The following FAM217B variants were observed in gnomAD, a reference collection of about 807,000 sequenced individuals.
FAM217B encodes family with sequence similarity 217 member B.
For missense variants in FAM217B, 463 were observed against 456.9 expected (o/e 1.01, Z -0.12); for synonymous variants, 163 against 173.0 (o/e 0.94, Z 0.45).
chr20:59,943,134 AGAG>A (rs2060914553), intron 3 of FAM217B, among the ~76,000 whole-genome samples: 1 of 152,234 alleles, frequency 6.6e-6, no homozygotes, highest in African/African-American at 2.4e-5. Context: ...TAAATTGAAA[AGAG>A]GATATTTTCA....
chr20:59,938,893 G>A, upstream of FAM217B: 1 of 792,554 alleles, frequency 1.3e-6, no homozygotes, highest in South Asian at 3.1e-5. Flanking sequence ...CCACTGCCAG[G>A]GGACCTTGCA....
At chr20:59,935,595 C>G, upstream of FAM217B, among the ~76,000 whole-genome samples, 1 of 152,266 alleles carries the variant, frequency 6.6e-6, no homozygotes, top group East Asian at 1.9e-4. Flanking sequence ...TAGCTAGGCC[C>G]TATCTCTACA....
chr20:59,939,398 G>T (rs980601297), upstream of FAM217B: 2 of 1,610,432 alleles, frequency 1.2e-6, no homozygotes, highest in African/African-American at 1.3e-5. Flanking sequence ...CACGCTCCAG[G>T]CACACGAGCT....
upstream of FAM217B, chr20:59,939,020 T>G (rs1158478763): frequency 6.7e-7 from 1 of 1,502,386 alleles, no homozygotes; most frequent in South Asian, 1.3e-5. Flanking sequence ...AGGTGGCCGG[T>G]CCCCGCGCGG....
At chr20:59,935,676 TAGG>T (rs1422763724), upstream of FAM217B, among the ~76,000 whole-genome samples, 1 of 152,174 alleles carries the variant, frequency 6.6e-6, no homozygotes. Context: ...GAGGCTGAGG[TAGG>T]AGAATTCTGC....
chr20:59,933,861 G>GGTCCCCGCT (rs1204865192), intron 1 of FAM217B: 6 of 152,016 alleles, frequency 3.9e-5, no homozygotes, highest in African/African-American at 1.2e-4. Flanking sequence ...CAGGTTAGTG[G>GGTCCCCGCT]GTCCCCGCTG....
Position 59,945,002 on chromosome 20 carries a change from G to A in FAM217B, c.1059G>A (p.Lys353=). The change falls in exon 4 of 4, where the codon AAG becomes AAA. Residue 353 remains lysine (K), a synonymous_variant. Transcript: ENST00000360816. ...AAGCACATGCACATCCTAGGAAAAA[G>A]GGAAAGGCAGAGAGCTGTGGTCATG... ...KTQAHAHPRK[K]GKAESCGHAT... 1 of 1,614,148 alleles carries A rather than the reference G, an allele frequency of 6.2e-7. No homozygotes were observed. Among genetic ancestry groups the A allele is most frequent in the Non-Finnish European group, 8.5e-7 (1 of 1,180,028 alleles).
upstream of FAM217B, among the ~76,000 whole-genome samples, chr20:59,935,418 A>AT (rs201856421): frequency 1.3e-4 from 20 of 152,082 alleles, no homozygotes; most frequent in African/African-American, 4.3e-4. Flanking sequence ...TTTACTGTTA[A>AT]TTTTTTTTAA....
At chr20:59,934,391 C>T (rs372255367) in intron 1 of FAM217B, among the ~76,000 whole-genome samples, 69 of 152,358 alleles carry the variant, frequency 4.5e-4, no homozygotes, top group African/African-American at 1.5e-3. Context: ...GAAAGGGTCT[C>T]CTTGCCCCTT....
chr20:59,934,991 C>T (rs1431171227), intron 1 of FAM217B, among the ~76,000 whole-genome samples: 3 of 152,152 alleles, frequency 2.0e-5, no homozygotes, highest in East Asian at 3.8e-4. Context: ...TAATTCAGAG[C>T]TGACAGATTA....
chr20:59,934,359 C>T (rs1446355518), intron 1 of FAM217B, among the ~76,000 whole-genome samples: 1 of 152,246 alleles, frequency 6.6e-6, no homozygotes, highest in East Asian at 1.9e-4. Flanking sequence ...ATCGCAGGCC[C>T]TTCTGAGACA....
intron 1 of FAM217B, among the ~76,000 whole-genome samples, chr20:59,935,103 T>A (rs2060851469): frequency 6.6e-6 from 1 of 152,242 alleles, no homozygotes; most frequent in South Asian, 2.1e-4. Context: ...GTACTAATAA[T>A]GTATAACACA....
rs1655351701 is a variant in FAM217B, at chr20:59,946,776, T to A, written c.*1681T>A. 6.0e-6 allele frequency: 1 copy of A among 167,100 alleles called. No homozygotes were observed. The highest frequency in any genetic ancestry group is 2.4e-5 in the African/African-American group (1 of 41,462). 10.4% of individuals were successfully genotyped at this position (167,100 alleles called of 1,614,324 possible). On this transcript the variant is annotated 3_prime_UTR_variant, in exon 4 of 4. Transcript: ENST00000360816. ...AGATGTACATATAGTAAGTATTACT[T>A]CCGTAGTCCTCAAATTTACTATAAC...
upstream of FAM217B, among the ~76,000 whole-genome samples, chr20:59,935,772 C>CA (rs1467978728): frequency 6.6e-6 from 1 of 152,044 alleles, no homozygotes; most frequent in East Asian, 1.9e-4. Context: ...GACCTTCTCT[C>CA]AAAAAAGAGA....
At chr20:59,934,237 C>T (rs1014558642) in intron 1 of FAM217B, among the ~76,000 whole-genome samples, 2 of 152,196 alleles carry the variant, frequency 1.3e-5, no homozygotes, top group South Asian at 2.1e-4. Flanking sequence ...ACCGCAGGTC[C>T]GGAGACGGGG....
upstream of FAM217B, chr20:59,937,988 A>G (rs1467665805): frequency 2.6e-5 from 4 of 152,262 alleles, no homozygotes; most frequent in Non-Finnish European, 5.9e-5. Context: ...TTTTTCCTCC[A>G]GTGCTCTGGC....
At position 59,947,616 on chromosome 20, in the gene FAM217B, GT is replaced by G. The variant is rs2060944536; in HGVS notation, c.*2523del. On this transcript the variant is annotated 3_prime_UTR_variant, in exon 4 of 4. Coordinates refer to ENST00000360816, the MANE Select transcript of FAM217B (RefSeq NM_022106.3). ...CTGGGGAATAGTCATAATTTCATGT[GT>G]TATACAGTTTAAAAAGCCTGCAAAA... 1 of 167,024 alleles carries G rather than the reference GT, an allele frequency of 6.0e-6. No homozygotes were observed. The allele number at this position is 167,024 out of a possible 1,614,324, so 10.3% of individuals were successfully genotyped here.
rs1173436912 is a variant in FAM217B at position 59,946,699 on chromosome 20, G to T, written c.*1604G>T. The stretch of plus-strand genomic sequence containing the variant: ...TTCCCTCTCACACCATCCTACTGGA[G>T]AAAGCATACTTTTATGCTAAGATCT... On this transcript the variant is annotated 3_prime_UTR_variant, in exon 4 of 4. Coordinates refer to ENST00000360816, the MANE Select transcript of FAM217B (RefSeq NM_022106.3). 2.4e-5 allele frequency: 4 copies of T among 167,048 alleles called. No homozygotes were observed. The allele number at this position is 167,048 out of a possible 1,614,324, so 10.3% of individuals were successfully genotyped here. A position where few individuals can be genotyped will look rare whatever the true frequency, so the allele number is the denominator to read the frequency against.
chr20:59,938,416 T>C (rs1020884306), upstream of FAM217B: 34 of 152,258 alleles, frequency 2.2e-4, no homozygotes, highest in African/African-American at 6.8e-4. Flanking sequence ...AGAAATTTCT[T>C]GCCTATTAAT....
Sources: allele counts gnomAD v4.1 joint callset (sites outside exome capture counted in the v4.1 genomes callset), GRCh38; gene constraint gnomAD v4.1.1; transcripts MANE v1.5; gene names NCBI Gene and HGNC (gene_info 2026-07-23, HGNC 2026-07-21).